Variants in AFF3 observed in about 807,000 individuals in gnomAD.
AFF3 encodes the protein ALF transcription elongation factor 3, also known as AF4/FMR2 family member 3.
Under a neutral mutation model 129.7 loss-of-function variants are expected in AFF3, and 32 were observed. The ratio of observed to expected loss-of-function variants is 0.25; its 90% confidence interval spans 0.19 to 0.33. The LOEUF is 0.33. Ranked by LOEUF, AFF3 falls within the 10% of genes least tolerant of loss-of-function variation. The probability of loss-of-function intolerance (pLI) is 1.00; values close to 1 mark genes in which losing one functional copy is unlikely to be tolerated. For missense variants in AFF3, 1,373 were observed against 1,592.0 expected (o/e 0.86, Z 2.34); for synonymous variants, 644 against 635.4 (o/e 1.01, Z -0.20).
At chr2:100,056,180 CACCAGAGACT>C (rs1422141508) in intron 4 of AFF3, among the ~76,000 whole-genome samples, 8 of 152,088 alleles carry the variant, frequency 5.3e-5, no homozygotes, top group African/African-American at 1.9e-4. Flanking sequence ...TTGTCTGTGA[CACCAGAGACT>C]CTCAAAGTGG....
intron 8 of AFF3, among the ~76,000 whole-genome samples, chr2:99,777,388 A>G (rs1683986438): frequency 6.6e-6 from 1 of 152,136 alleles, no homozygotes; most frequent in Admixed American, 6.5e-5. Context: ...TTGATACCAC[A>G]GTGGCTGGCG....
At chr2:100,086,289 G>A (rs1490079201) in intron 4 of AFF3, among the ~76,000 whole-genome samples, 3 of 152,154 alleles carry the variant, frequency 2.0e-5, no homozygotes, top group Non-Finnish European at 2.9e-5. Context: ...TTGGGAGGCC[G>A]AGGTGGGCAG....
intron 7 of AFF3, among the ~76,000 whole-genome samples, chr2:99,877,598 G>A (rs1692400071): frequency 6.6e-6 from 1 of 152,176 alleles, no homozygotes; most frequent in Non-Finnish European, 1.5e-5. Flanking sequence ...CAGAAGTTCA[G>A]ACCATGTTCA....
At position 99,578,346 on chromosome 2, in the gene AFF3, T is replaced by G. The variant is rs1475301676; in HGVS notation, c.2899A>C (p.Lys967Gln). Residue 967 changes from lysine (K) to glutamine (Q), a missense_variant, in exon 18 of 25, where the codon AAA becomes CAA. Lys to Gln is a moderately conservative substitution (Grantham distance 53). This residue lies in a region of AFF3 where 65 missense variants were observed against 102.1 expected (regional missense o/e 0.64). Transcript: ENST00000672756. ...SNGHRDCKRQ[K>Q]LVFDDMPRSA... The stretch of plus-strand genomic sequence containing the variant: ...ACTTACATATCATCGAAGACAAGTT[T>G]CTGCCTCTTGCAGTCCCTGTGGCCG... 1.2e-6 allele frequency: 2 copies of G among 1,602,488 alleles called. No homozygotes were observed. The highest frequency in any genetic ancestry group is 2.7e-5 in the African/African-American group (2 of 74,248).
At chr2:99,951,476 T>C (rs1386732878) in intron 7 of AFF3, among the ~76,000 whole-genome samples, 2 of 152,140 alleles carry the variant, frequency 1.3e-5, no homozygotes, top group African/African-American at 4.8e-5. Flanking sequence ...ATTTCCAAAT[T>C]GTATTGTACC....
rs1393362389 is a variant in AFF3, at chr2:99,582,749, G to A, written c.2793+49C>T. ...TAGGTTAGAGACAGAGCTTGGGGGT[G>A]CTCAATTTCATTTTGGTTTTAATTG... On this transcript the variant is annotated intron_variant, in intron 17 of 24. Coordinates refer to ENST00000672756, the MANE Select transcript of AFF3 (RefSeq NM_001386135.1). The A allele has an allele frequency of 1.9e-6, 3 of 1,586,110 alleles. No homozygotes were observed. In the African/African-American group the frequency reaches 4.0e-5, roughly 21 times the overall value.
intron 11 of AFF3, among the ~76,000 whole-genome samples, chr2:99,699,520 T>C (rs545379355): frequency 6.6e-6 from 1 of 152,346 alleles, no homozygotes; most frequent in Non-Finnish European, 1.5e-5. Flanking sequence ...TAAACCTGCA[T>C]TAATCATCAA....
intron 17 of AFF3, among the ~76,000 whole-genome samples, chr2:99,582,150 C>T (rs528284746): frequency 6.2e-4 from 94 of 152,260 alleles, no homozygotes; most frequent in African/African-American, 2.1e-3. Flanking sequence ...CCACCACGCC[C>T]GGTCGGGGTC....
chr2:99,590,095 G>C (rs1270602721), intron 15 of AFF3, among the ~76,000 whole-genome samples: 1 of 152,216 alleles, frequency 6.6e-6, no homozygotes, highest in Non-Finnish European at 1.5e-5. Context: ...CGAGTTGTCA[G>C]GCATTTCCCC....
At chr2:99,712,793 C>G (rs374499131) in intron 11 of AFF3, among the ~76,000 whole-genome samples, 18 of 152,298 alleles carry the variant, frequency 1.2e-4, no homozygotes, top group African/African-American at 4.1e-4. Context: ...ACCCACGTTC[C>G]TGGCAGCCTT....
intron 12 of AFF3, among the ~76,000 whole-genome samples, chr2:99,662,489 C>T (rs1411749050): frequency 6.6e-6 from 1 of 152,090 alleles, no homozygotes; most frequent in African/African-American, 2.4e-5. Context: ...TCCATTGGGG[C>T]AAGGGATTTC....
At chr2:99,722,153 C>T (rs1013185055) in intron 11 of AFF3, among the ~76,000 whole-genome samples, 1 of 152,106 alleles carries the variant, frequency 6.6e-6, no homozygotes, top group African/African-American at 2.4e-5. Context: ...GTCATGATGA[C>T]TATGTTTTCC....
chr2:100,083,043 T>C (rs1487368158), intron 4 of AFF3, among the ~76,000 whole-genome samples: 3 of 152,088 alleles, frequency 2.0e-5, no homozygotes. Context: ...TTGTGCCAGA[T>C]AGTGCCACTG....
intron 15 of AFF3, among the ~76,000 whole-genome samples, chr2:99,589,977 A>G (rs1299605818): frequency 2.6e-5 from 4 of 152,206 alleles, no homozygotes; most frequent in Non-Finnish European, 5.9e-5. Context: ...TTGGGGAGGC[A>G]AGTGTAGCCT....
At chr2:99,982,590 C>T (rs1424007409) in intron 7 of AFF3, among the ~76,000 whole-genome samples, 1 of 152,176 alleles carries the variant, frequency 6.6e-6, no homozygotes, top group African/African-American at 2.4e-5. Context: ...CAACCACAGA[C>T]ACTAAGTTAC....
In AFF3 at chr2:99,759,295, T is replaced by C. The variant is rs376126424; in HGVS notation, c.922-6994A>G. On this transcript the variant is annotated intron_variant, in intron 8 of 24. Transcript: ENST00000672756. ...TCCAATGTGAAATAAAAGCAATACTTAGGAATCCTAATAATCTCTTTTAAG... is the reference window on the plus strand; with the variant it reads ...TCCAATGTGAAATAAAAGCAATACTCAGGAATCCTAATAATCTCTTTTAAG... 1.0e-3 allele frequency among the ~76,000 whole-genome samples: 155 copies of C among 152,368 alleles called. 1 individual carries two copies. The highest frequency in any genetic ancestry group is 3.5e-3 in the African/African-American group (147 of 41,592).
chr2:99,888,667 A>T (rs1030410373), intron 7 of AFF3, among the ~76,000 whole-genome samples: 1 of 152,216 alleles, frequency 6.6e-6, no homozygotes, highest in East Asian at 1.9e-4. Flanking sequence ...TTACGTAATC[A>T]ATCACTTGTC....
At chr2:100,031,188 C>T (rs1684459621) in intron 4 of AFF3, among the ~76,000 whole-genome samples, 1 of 152,116 alleles carries the variant, frequency 6.6e-6, no homozygotes, top group Admixed American at 6.5e-5. Flanking sequence ...AAAGCTGTTT[C>T]CCGATGGAAG....
chr2:99,983,112 G>C (rs1274807233), intron 7 of AFF3, among the ~76,000 whole-genome samples: 1 of 152,210 alleles, frequency 6.6e-6, no homozygotes, highest in African/African-American at 2.4e-5. Context: ...TCAAGCGTAA[G>C]AGATTAGAAA....
Sources: allele counts gnomAD v4.1 joint callset (sites outside exome capture counted in the v4.1 genomes callset), GRCh38; gene constraint gnomAD v4.1.1; regional missense constraint gnomAD v4.1.1; transcripts MANE v1.5; gene names NCBI Gene and HGNC (gene_info 2026-07-23, HGNC 2026-07-21).